The following SEC11A variants were observed in gnomAD, a reference collection of about 807,000 sequenced individuals.
SEC11A encodes signal peptidase complex catalytic subunit SEC11A.
Under a neutral mutation model 25.6 loss-of-function variants are expected in SEC11A, and 14 were observed. The observed-to-expected ratio is 0.55, with a 90% confidence interval of 0.36 to 0.85. The LOEUF is 0.85. SEC11A is among the 40% of genes least tolerant of loss of function. SEC11A has a pLI of 0.01. For missense variants in SEC11A, 153 were observed against 222.9 expected, an observed-to-expected ratio of 0.69 and a Z score of 2.00; for synonymous variants, 83 against 76.4, an observed-to-expected ratio of 1.09 and a Z score of -0.45.
intron 2 of SEC11A, among the ~76,000 whole-genome samples, chr15:84,691,074 T>TC (rs554751869): frequency 0.06 from 1,585 of 26,306 alleles, 14 homozygotes; most frequent in Non-Finnish European, 0.067. Flanking sequence ...CTTTTCTCTC[T>TC]TTTTTTTTTT....
chr15:84,693,163 T>C (rs1376285804), intron 1 of SEC11A, among the ~76,000 whole-genome samples: 1 of 152,146 alleles, frequency 6.6e-6, no homozygotes, highest in Non-Finnish European at 1.5e-5. Context: ...TACACAACTG[T>C]CCTAGTCTCT....
At chr15:84,676,720 A>G (rs1313722079) in intron 4 of SEC11A, among the ~76,000 whole-genome samples, 6 of 151,716 alleles carry the variant, frequency 4.0e-5, no homozygotes, top group Non-Finnish European at 7.4e-5. Context: ...TGGGAGGCAG[A>G]GGTTGCAGTG....
At chr15:84,711,478 G>C (rs1388772790) in intron 1 of SEC11A, among the ~76,000 whole-genome samples, 1 of 151,756 alleles carries the variant, frequency 6.6e-6, no homozygotes, top group East Asian at 1.9e-4. Flanking sequence ...CAGCAATTCT[G>C]CAAGCTGGTT....
intron 3 of SEC11A, among the ~76,000 whole-genome samples, chr15:84,683,793 G>A (rs1206571612): frequency 6.6e-6 from 1 of 150,584 alleles, no homozygotes; most frequent in Non-Finnish European, 1.5e-5. Flanking sequence ...CCAAAGTGCT[G>A]GGATAACAGG....
intron 2 of SEC11A, 36 bp downstream of exon 2, chr15:84,691,499 C>T (rs1387662628): frequency 8.0e-6 from 9 of 1,124,056 alleles, no homozygotes; most frequent in Non-Finnish European, 1.2e-5. Context: ...CAAGTAATGC[C>T]ATGCAATTCC....
chr15:84,670,606 C>T, intron 5 of SEC11A, 119 bp downstream of exon 5: 1 of 544,896 alleles, frequency 1.8e-6, no homozygotes. Flanking sequence ...TCTTGAACTC[C>T]TGGGCTCAAG....
rs1025210492 is a variant in SEC11A, at chr15:84,682,971, G to A, written c.312-2139C>T. Among the ~76,000 whole-genome samples the A allele has an allele frequency of 8.5e-5, 13 of 152,106 alleles. No homozygotes were observed. In the East Asian group the frequency reaches 1.4e-3, roughly 16 times the overall value. The stretch of plus-strand genomic sequence containing the variant: ...CTAATATCCACTTAGATTCTAAGCC[G>A]GAAACTGGCTCACTAGATGTTAAAT... On this transcript the variant is annotated intron_variant, in intron 3 of 5. Transcript: ENST00000268220.
chr15:84,672,500 C>T, intron 4 of SEC11A: 1 of 167,828 alleles, frequency 6.0e-6, no homozygotes, highest in South Asian at 1.3e-4. Context: ...AGCTCCTAAC[C>T]GCGAGTGGTC....
intron 4 of SEC11A, among the ~76,000 whole-genome samples, chr15:84,674,807 A>G (rs1010926351): frequency 6.6e-6 from 1 of 152,150 alleles, no homozygotes. Context: ...CGGTTCTCCC[A>G]TCTTGGCCTC....
At chr15:84,671,478 C>T (rs1896981090) in intron 4 of SEC11A, 1 of 152,222 alleles carries the variant, frequency 6.6e-6, no homozygotes, top group African/African-American at 2.4e-5. Flanking sequence ...GCTACACTTT[C>T]TTTTCACTAG....
chr15:84,711,688 G>C (rs977342308), intron 1 of SEC11A, among the ~76,000 whole-genome samples: 1 of 149,552 alleles, frequency 6.7e-6, no homozygotes, highest in Non-Finnish European at 1.5e-5. Flanking sequence ...ACGTGGTGGC[G>C]CACACCTGTA....
chr15:84,701,235 G>C (rs917251516), intron 1 of SEC11A, among the ~76,000 whole-genome samples: 2 of 151,166 alleles, frequency 1.3e-5, no homozygotes, highest in African/African-American at 2.4e-5. Context: ...CTCAGCAAGA[G>C]GCTGTAGTGG....
chr15:84,713,554 G>A (rs143289213), intron 1 of SEC11A, among the ~76,000 whole-genome samples: 258 of 152,276 alleles, frequency 1.7e-3, no homozygotes, highest in African/African-American at 5.8e-3. Context: ...TGGGAGGCCA[G>A]GGAGGATAAT....
At chr15:84,685,064 T>C (rs1262335240) in intron 3 of SEC11A, among the ~76,000 whole-genome samples, 3 of 152,210 alleles carry the variant, frequency 2.0e-5, no homozygotes, top group Non-Finnish European at 4.4e-5. Flanking sequence ...GGCCTGCAAG[T>C]TGAAGGTATC....
chr15:84,706,050 G>A (rs998604864), intron 1 of SEC11A, among the ~76,000 whole-genome samples: 1 of 151,644 alleles, frequency 6.6e-6, no homozygotes, highest in Admixed American at 6.6e-5. Context: ...TGGGAATACA[G>A]GTGCCCGCCA....
At chr15:84,715,396 G>T (rs1021160468) in intron 1 of SEC11A, among the ~76,000 whole-genome samples, 3 of 152,202 alleles carry the variant, frequency 2.0e-5, no homozygotes, top group Admixed American at 2.0e-4. Flanking sequence ...TACATTTCCA[G>T]ATCCCCGTGG....
chr15:84,683,316 GA>G (rs1897325768), intron 3 of SEC11A, among the ~76,000 whole-genome samples: 1 of 151,970 alleles, frequency 6.6e-6, no homozygotes, highest in East Asian at 1.9e-4. Context: ...AGGAAAAGGG[GA>G]ACTCCCCAGA....
intron 4 of SEC11A, chr15:84,672,660 G>A (rs1442170585): frequency 1.0e-5 from 2 of 197,652 alleles, no homozygotes; most frequent in African/African-American, 4.8e-5. Context: ...AAAGAGCCGA[G>A]ATTGCAGCCT....
Position 84,714,018 on chromosome 15 carries a change from CT to C in SEC11A, c.51+2006del, listed in dbSNP as rs34873142. Among the ~76,000 whole-genome samples the C allele has an allele frequency of 4.4e-4, 44 of 100,432 alleles. 1 individual carries two copies. The highest frequency in any genetic ancestry group is 2.2e-3 in the Admixed American group (17 of 7,684). 65.9% of individuals were successfully genotyped at this position (100,432 alleles called of 152,430 possible). On this transcript the variant is annotated intron_variant, in intron 1 of 5. Coordinates refer to ENST00000268220, the MANE Select transcript of SEC11A (RefSeq NM_014300.4). The stretch of plus-strand genomic sequence containing the variant: ...AAATCCACATCCTGCCATATACCTT[CT>C]TTTTTTTTTTTTTTTTTTTTTGAGA...
Sources: allele counts gnomAD v4.1 joint callset (sites outside exome capture counted in the v4.1 genomes callset), GRCh38; gene constraint gnomAD v4.1.1; transcripts MANE v1.5; gene names NCBI Gene and HGNC (gene_info 2026-07-23, HGNC 2026-07-21).